Variants in ZNF722 observed in about 807,000 individuals in gnomAD.
ZNF722 encodes the protein zinc finger protein 722, also known as zinc finger protein 479 pseudogene.
At chr7:64,001,298 C>T in the ZNF722 span, among the ~76,000 whole-genome samples, 16 of 152,238 alleles carry the variant, frequency 1.1e-4, no homozygotes, top group African/African-American at 3.4e-4. Flanking sequence ...TCTGTGTCCA[C>T]GTGTTCTCAT....
chr7:64,015,282 A>G, the ZNF722 span: 1 of 1,240,690 alleles, frequency 8.1e-7, no homozygotes, highest in African/African-American at 1.5e-5. Context: ...TTCAAATTGC[A>G]ATAGACATGA....
chr7:64,013,345 T>C, the ZNF722 span, among the ~76,000 whole-genome samples: 1 of 152,144 alleles, frequency 6.6e-6, no homozygotes, highest in South Asian at 2.1e-4. Context: ...ATAGACATAA[T>C]AGTTATAGAT....
the ZNF722 span, among the ~76,000 whole-genome samples, chr7:64,007,226 G>GTGTGTGTGTC: frequency 8.1e-6 from 1 of 124,146 alleles, no homozygotes; most frequent in African/African-American, 3.8e-5. Context: ...GTGTGTTTGT[G>GTGTGTGTGTC]TGTGTATATA....
the ZNF722 span, among the ~76,000 whole-genome samples, chr7:64,001,076 C>T: frequency 6.6e-3 from 1,005 of 152,236 alleles, 9 homozygotes; most frequent in South Asian, 0.023. Context: ...TGTGCGCAGC[C>T]GAATTTTTTT....
chr7:64,006,406 G>A, the ZNF722 span: 2 of 929,372 alleles, frequency 2.2e-6, no homozygotes, highest in East Asian at 2.9e-5. Flanking sequence ...GGTCTGGGGA[G>A]CTGTGCTTCG....
At chr7:64,009,875 AC>A in the ZNF722 span, among the ~76,000 whole-genome samples, 360 of 152,070 alleles carry the variant, frequency 2.4e-3, 1 homozygote, top group African/African-American at 7.9e-3. Flanking sequence ...CTGGTCCTGG[AC>A]TTTTTTTGGT....
the ZNF722 span, among the ~76,000 whole-genome samples, chr7:64,000,502 G>A: frequency 2.4e-5 from 3 of 126,094 alleles, no homozygotes; most frequent in Non-Finnish European, 4.7e-5. Flanking sequence ...TCAGGCTGGA[G>A]TGCAGTGGTG....
chr7:64,010,453 C>T, the ZNF722 span, among the ~76,000 whole-genome samples: 1 of 152,104 alleles, frequency 6.6e-6, no homozygotes, highest in Non-Finnish European at 1.5e-5. Flanking sequence ...TCTTTGTTCT[C>T]ATTGGTTTCA....
At chr7:64,010,913 A>G in the ZNF722 span, among the ~76,000 whole-genome samples, 122 of 152,102 alleles carry the variant, frequency 8.0e-4, 1 homozygote, top group African/African-American at 2.9e-3. Context: ...TTGCTTTATG[A>G]ATCTGGGTGC....
the ZNF722 span, chr7:64,016,130 G>A: frequency 4.4e-6 from 2 of 455,898 alleles, no homozygotes; most frequent in Non-Finnish European, 3.8e-6. Context: ...GAACCCAAGA[G>A]AATTTATTTA....
At chr7:64,015,737 C>T in the ZNF722 span, 2 of 1,613,660 alleles carry the variant, frequency 1.2e-6, no homozygotes, top group Non-Finnish European at 1.7e-6. Flanking sequence ...GAGAGAAACC[C>T]TACACATGTG....
the ZNF722 span, among the ~76,000 whole-genome samples, chr7:64,016,835 CT>C: frequency 6.6e-6 from 1 of 152,116 alleles, no homozygotes; most frequent in Non-Finnish European, 1.5e-5. Flanking sequence ...GGAAATCATA[CT>C]GGTGAGAAAC....
At chr7:64,016,163 G>A in the ZNF722 span, 4 of 357,898 alleles carry the variant, frequency 1.1e-5, no homozygotes, top group South Asian at 4.0e-5. Context: ...TTTTGAGATG[G>A]TATCTCCCTT....
the ZNF722 span, among the ~76,000 whole-genome samples, chr7:64,002,519 G>GT: frequency 1.3e-5 from 2 of 152,082 alleles, no homozygotes; most frequent in Non-Finnish European, 2.9e-5. Context: ...CATTTCATAT[G>GT]TTTTTTGTGG....
chr7:64,004,322 T>C, the ZNF722 span, among the ~76,000 whole-genome samples: 4 of 148,524 alleles, frequency 2.7e-5, no homozygotes, highest in African/African-American at 9.9e-5. Flanking sequence ...GGCAGGAGAA[T>C]TGCTTGAACT....
the ZNF722 span, among the ~76,000 whole-genome samples, chr7:64,000,160 C>T: frequency 4.3e-5 from 6 of 140,362 alleles, no homozygotes; most frequent in East Asian, 4.4e-4. Context: ...GACAGAGTTT[C>T]GCTCTTATTA....
At chr7:64,006,221 C>G in the ZNF722 span, 1 of 1,241,228 alleles carries the variant, frequency 8.1e-7, no homozygotes, top group Non-Finnish European at 1.1e-6. Flanking sequence ...CTTAATAAAA[C>G]AGGTATTGCT....
At chr7:64,017,869 A>T in the ZNF722 span, among the ~76,000 whole-genome samples, 106 of 152,180 alleles carry the variant, frequency 7.0e-4, no homozygotes, top group Admixed American at 1.9e-3. Flanking sequence ...CATTTTCTGT[A>T]AAAAAAATTT....
the ZNF722 span, among the ~76,000 whole-genome samples, chr7:64,002,056 T>C: frequency 6.6e-6 from 1 of 152,020 alleles, no homozygotes; most frequent in Admixed American, 6.6e-5. Flanking sequence ...CTAATTTTTG[T>C]ATTTTTAGTA....
Sources: allele counts gnomAD v4.1 joint callset (sites outside exome capture counted in the v4.1 genomes callset), GRCh38; gene constraint gnomAD v4.1.1; transcripts MANE v1.5; gene names NCBI Gene and HGNC (gene_info 2026-07-23, HGNC 2026-07-21).